NUAK1: variants seen among roughly 807,000 people sequenced by gnomAD.
NUAK1 encodes NUAK family kinase 1, also known as NUAK family SNF1-like kinase 1.
A neutral mutation model predicts 56.9 loss-of-function variants in NUAK1; 26 were observed. The observed-to-expected ratio is 0.46, with a 90% CI of 0.33 to 0.63. The LOEUF is 0.63. Among genes scored for constraint, NUAK1 ranks in the 30% least tolerant of loss-of-function variants. The probability of loss-of-function intolerance (pLI) is 0.02; values close to 1 mark genes in which losing one functional copy is unlikely to be tolerated. For missense variants in NUAK1, 727 were observed against 876.1 expected, an observed-to-expected ratio of 0.83 and a Z score of 2.15; for synonymous variants, 337 against 336.0, an observed-to-expected ratio of 1.00 and a Z score of -0.03.
intron 6 of NUAK1, among the ~76,000 whole-genome samples, 181 bp from the exon 7 acceptor site, chr12:106,068,136 A>G (rs187259065): frequency 6.6e-6 from 1 of 152,354 alleles, no homozygotes; most frequent in East Asian, 1.9e-4. Context: ...CATCAAAAGC[A>G]TAATCAAGAC....
intron 1 of NUAK1, among the ~76,000 whole-genome samples, chr12:106,132,152 A>G (rs755916257): frequency 6.6e-6 from 1 of 152,262 alleles, no homozygotes; most frequent in Non-Finnish European, 1.5e-5. Context: ...ATGCATGTGC[A>G]AACGTAACAG....
chr12:106,127,006 TAAC>T (rs1436890621), intron 1 of NUAK1, among the ~76,000 whole-genome samples: 1 of 152,130 alleles, frequency 6.6e-6, no homozygotes, highest in Non-Finnish European at 1.5e-5. Context: ...TCACAAATAA[TAAC>T]AAATAACACT....
In NUAK1 at chr12:106,078,819, C is replaced by T. The variant is rs566133483; in HGVS notation, c.579+5045G>A. ...TTAATTAGCAGCCAGTGCCAGCTCACAGCACACAGCCCTGGCATCCCCGCA... is the reference window on the plus strand; with the variant it reads ...TTAATTAGCAGCCAGTGCCAGCTCATAGCACACAGCCCTGGCATCCCCGCA... On this transcript the variant is annotated intron_variant, in intron 4 of 6. Coordinates refer to ENST00000261402, the MANE Select transcript of NUAK1 (RefSeq NM_014840.3). 7.2e-5 allele frequency among the ~76,000 whole-genome samples: 11 copies of T among 152,366 alleles called. No homozygotes were observed. The South Asian group carries it at 8.3e-4, about 11-fold the overall frequency.
At chr12:106,136,292 T>C (rs539642255) in intron 1 of NUAK1, among the ~76,000 whole-genome samples, 10 of 152,302 alleles carry the variant, frequency 6.6e-5, no homozygotes, top group Middle Eastern at 3.4e-3. Flanking sequence ...GAAAATGAAC[T>C]AGGGCTGAAC....
At chr12:106,087,114 C>T (rs1233741688) in intron 2 of NUAK1, among the ~76,000 whole-genome samples, 5 of 152,198 alleles carry the variant, frequency 3.3e-5, no homozygotes, top group Admixed American at 3.3e-4. Context: ...CTTTGTCATG[C>T]TAAGGGAAAT....
At chr12:106,072,881 A>G (rs1168764092) in intron 4 of NUAK1, 38 bp from the exon 5 acceptor site, 1 of 1,611,426 alleles carries the variant, frequency 6.2e-7, no homozygotes, top group Non-Finnish European at 8.5e-7. Flanking sequence ...ACTTGTTAGC[A>G]TTCCAGATTA....
At chr12:106,135,819 C>T (rs556571748) in intron 1 of NUAK1, among the ~76,000 whole-genome samples, 1 of 152,316 alleles carries the variant, frequency 6.6e-6, no homozygotes, top group Admixed American at 6.5e-5. Flanking sequence ...CAGAAGAAAA[C>T]TCCAAGTTCA....
chr12:106,087,021 C>T, intron 2 of NUAK1, 136 bp from the exon 3 acceptor site: 3 of 1,115,542 alleles, frequency 2.7e-6, no homozygotes. Context: ...ACAAATCAGC[C>T]AATTCAGCAT....
intron 1 of NUAK1, among the ~76,000 whole-genome samples, chr12:106,126,964 C>A (rs2033030632): frequency 6.6e-6 from 1 of 152,172 alleles, no homozygotes; most frequent in Admixed American, 6.5e-5. Context: ...CTCTGAGCTG[C>A]CCAGCAGAAC....
intron 3 of NUAK1, 67 bp from the exon 4 acceptor site, chr12:106,083,996 AAGG>A (rs1262269119): frequency 4.0e-5 from 54 of 1,351,332 alleles, no homozygotes; most frequent in Non-Finnish European, 5.4e-5. Context: ...GAGAAAGAGG[AAGG>A]AGGAGGGTGA....
intron 1 of NUAK1, among the ~76,000 whole-genome samples, chr12:106,119,257 T>C (rs1350523094): frequency 6.6e-6 from 1 of 152,012 alleles, no homozygotes; most frequent in East Asian, 1.9e-4. Flanking sequence ...GGTAGCAAAA[T>C]AGAAAATACA....
chr12:106,098,704 C>T (rs2032718130), intron 2 of NUAK1, among the ~76,000 whole-genome samples: 1 of 151,988 alleles, frequency 6.6e-6, no homozygotes, highest in Non-Finnish European at 1.5e-5. Context: ...ATTTTATATG[C>T]CGGACTGTTA....
At chr12:106,095,349 A>C (rs2032686652) in intron 2 of NUAK1, among the ~76,000 whole-genome samples, 1 of 152,184 alleles carries the variant, frequency 6.6e-6, no homozygotes, top group Non-Finnish European at 1.5e-5. Context: ...CTGTGAAGAC[A>C]GCCTTAGTCT....
At chr12:106,114,451 A>G (rs1353779158) in intron 1 of NUAK1, among the ~76,000 whole-genome samples, 1 of 152,226 alleles carries the variant, frequency 6.6e-6, no homozygotes, top group Non-Finnish European at 1.5e-5. Flanking sequence ...CTGTGGCAAC[A>G]TGGCAGATTG....
intron 4 of NUAK1, among the ~76,000 whole-genome samples, chr12:106,082,853 C>G (rs1000441409): frequency 2.0e-5 from 3 of 152,086 alleles, no homozygotes; most frequent in Non-Finnish European, 4.4e-5. Flanking sequence ...GCAGCAACAA[C>G]AAAAAAATCA....
chr12:106,096,917 C>T (rs1382103943), intron 2 of NUAK1, among the ~76,000 whole-genome samples: 1 of 152,214 alleles, frequency 6.6e-6, no homozygotes, highest in Non-Finnish European at 1.5e-5. Context: ...ACAAACTCCT[C>T]ATGAGATTTT....
intron 4 of NUAK1, among the ~76,000 whole-genome samples, chr12:106,073,840 C>T (rs547881368): frequency 1.3e-5 from 2 of 151,996 alleles, no homozygotes; most frequent in East Asian, 1.9e-4. Flanking sequence ...AAGATGACAC[C>T]GTGAGTGTAA....
At chr12:106,133,046 C>T (rs1398264156) in intron 1 of NUAK1, among the ~76,000 whole-genome samples, 1 of 152,148 alleles carries the variant, frequency 6.6e-6, no homozygotes, top group Non-Finnish European at 1.5e-5. Context: ...TTAACATGCA[C>T]CTAGCATGTT....
At chr12:106,073,797 G>A (rs2032432266) in intron 4 of NUAK1, among the ~76,000 whole-genome samples, 2 of 151,564 alleles carry the variant, frequency 1.3e-5, no homozygotes, top group East Asian at 1.9e-4. Flanking sequence ...CAGCCTGGGC[G>A]ACAAAGCGAG....
Sources: allele counts gnomAD v4.1 joint callset (sites outside exome capture counted in the v4.1 genomes callset), GRCh38; gene constraint gnomAD v4.1.1; transcripts MANE v1.5; gene names NCBI Gene and HGNC (gene_info 2026-07-23, HGNC 2026-07-21).